The following AJUBA variants were observed in gnomAD, a reference collection of about 807,000 sequenced individuals.
AJUBA encodes the protein ajuba LIM protein.
AJUBA carries 20 observed loss-of-function variants against 53.3 expected under a neutral mutation model. That is an observed-to-expected ratio of 0.38 (90% CI 0.26 to 0.55). AJUBA has a LOEUF of 0.55. AJUBA is among the 20% of genes least tolerant of loss of function. The pLI is 0.80. For synonymous variants in AJUBA, 296 were observed against 306.2 expected, an observed-to-expected ratio of 0.97 and a Z score of 0.35; for missense variants, 580 against 730.5, an observed-to-expected ratio of 0.79 and a Z score of 2.38.
chr14:22,979,110 A>G lies in AJUBA; in HGVS notation c.1007-665T>C. ...GGTTGAACAGGAAAGCAGGGAGAGTAGCAGAGCCCCTGATGCCTCCTAGTC... is the reference window on the plus strand; with the variant it reads ...GGTTGAACAGGAAAGCAGGGAGAGTGGCAGAGCCCCTGATGCCTCCTAGTC... On this transcript the variant is annotated intron_variant, in intron 1 of 7. Coordinates refer to ENST00000262713, the MANE Select transcript of AJUBA (RefSeq NM_032876.6). This position sits in a 1 kb window ranked among gnomAD's most constrained non-coding sequence, Gnocchi z 4.0. 3.1e-6 allele frequency: 4 copies of G among 1,275,674 alleles called. No individual in the cohort carries two copies. Among genetic ancestry groups the G allele is most frequent in the Non-Finnish European group, 4.1e-6 (4 of 982,620 alleles). The allele number at this position is 1,275,674 out of a possible 1,614,324, so 79.0% of individuals were successfully genotyped here.
At chr14:22,981,146 A>T in intron 1 of AJUBA, 115 bp downstream of exon 1, 1 of 1,300,838 alleles carries the variant, frequency 7.7e-7, no homozygotes, top group Non-Finnish European at 1.0e-6. Flanking sequence ...CTTCTTTCCT[A>T]GTCCCGCGTC....
rs1374147835 is a variant in AJUBA at position 22,974,845 on chromosome 14, G to T, written c.1416C>A (p.Pro472=). 11 of 1,612,606 alleles carry T rather than the reference G, an allele frequency of 6.8e-6. No individual in the cohort carries two copies. Among genetic ancestry groups the T allele is most frequent in the Non-Finnish European group, 9.3e-6 (11 of 1,179,764 alleles). The change falls in exon 6 of 8, where the codon CCC becomes CCA. Residue 472 remains proline (P), a synonymous_variant. Coordinates refer to ENST00000262713, the MANE Select transcript of AJUBA (RefSeq NM_032876.6). ...KCAACGQPIL[P]SEGCEDIVRV... ...AGAACCCAGACATACTGACCTCAGA[G>T]GGGAGGATGGGTTGGCCACAGGCTG...
chr14:22,981,319 G>C lies in AJUBA; in HGVS notation c.948C>G (p.Phe316Leu), dbSNP rs1382032638. Residue 316 changes from phenylalanine to leucine, a missense_variant, in exon 1 of 8, where the codon TTC becomes TTG. Coordinates refer to ENST00000262713, the MANE Select transcript of AJUBA (RefSeq NM_032876.6). ...PSGLEEPPGPFVPEAARARMR... is the reference protein window; with the variant it reads ...PSGLEEPPGPLVPEAARARMR... ...TCCGGGCCCGGGCGGCCTCCGGAACGAAAGGACCTGGTGGCTCCTCCAGAC... is the reference window on the plus strand; with the variant it reads ...TCCGGGCCCGGGCGGCCTCCGGAACCAAAGGACCTGGTGGCTCCTCCAGAC... 7 of 1,612,326 alleles carry C rather than the reference G, an allele frequency of 4.3e-6. No homozygotes were observed. The highest frequency in any genetic ancestry group is 2.2e-5 in the East Asian group (1 of 44,818).
intron 2 of AJUBA, 137 bp from the exon 3 acceptor site, chr14:22,976,849 C>T (rs2045041967): frequency 1.4e-6 from 2 of 1,447,162 alleles, no homozygotes; most frequent in Admixed American, 2.8e-5. Context: ...GTCTGTCCTT[C>T]CCCGCACAAA....
At position 22,979,682 on chromosome 14, in the gene AJUBA, G is replaced by A. The variant is rs1047521930; in HGVS notation, c.1007-1237C>T. Reference sequence around the variant, plus strand: ...GATTGCCATGCCAGGGGGTCCTGTCGGAGCCATTCTTTAGGAAACCTTGGA... The same window carrying A: ...GATTGCCATGCCAGGGGGTCCTGTCAGAGCCATTCTTTAGGAAACCTTGGA... On this transcript the variant is annotated intron_variant, in intron 1 of 7. Transcript: ENST00000262713. The surrounding 1 kb of genome is among the most constrained non-coding windows in gnomAD (Gnocchi z 4.0). Among the ~76,000 whole-genome samples the A allele has an allele frequency of 4.6e-5, 7 of 152,202 alleles. No homozygotes were observed. The highest frequency in any genetic ancestry group is 3.9e-4 in the Admixed American group (6 of 15,282).
intron 4 of AJUBA, chr14:22,975,733 G>A (rs1452683936): frequency 6.7e-6 from 1 of 150,370 alleles, no homozygotes; most frequent in Admixed American, 6.6e-5. Context: ...CATGTGGCGG[G>A]CGCCTGTAGT....
At chr14:22,973,928 T>A (rs1371934395) in intron 7 of AJUBA, 119 bp downstream of exon 7, 1 of 1,177,432 alleles carries the variant, frequency 8.5e-7, no homozygotes, top group South Asian at 1.3e-5. Context: ...GGTCACAATA[T>A]CTTTCTGGTT....
rs1033455186 is a variant in AJUBA, at chr14:22,981,910, G to A, written c.357C>T (p.Ser119=). The stretch of plus-strand genomic sequence containing the variant: ...AGCTACTGGCGAAGCTAGAGCGGGG[G>A]CTGAGGGCCGGGGCCGTGGGCTCCA... ...FRLEPTAPAL[S]PRSSFASSSA... Residue 119 remains serine, a synonymous_variant, in exon 1 of 8, where the codon AGC becomes AGT. Coordinates refer to ENST00000262713, the MANE Select transcript of AJUBA (RefSeq NM_032876.6). 6 of 1,554,168 alleles carry A rather than the reference G, an allele frequency of 3.9e-6. No individual in the cohort carries two copies. The highest frequency in any genetic ancestry group is 5.2e-6 in the Non-Finnish European group (6 of 1,154,336).
Position 22,971,967 on chromosome 14 carries a change from ATAG to A in AJUBA, c.*1473_*1475del, listed in dbSNP as rs972372335. On this transcript the variant is annotated 3_prime_UTR_variant, in exon 8 of 8. Coordinates refer to ENST00000262713, the MANE Select transcript of AJUBA (RefSeq NM_032876.6). ...ATTTGATAAATTTATGTTGCTGATA[ATAG>A]CTCAGAAGTACTCTTGGATGAATAG... 1.3e-5 allele frequency: 2 copies of A among 152,678 alleles called. No individual in the cohort carries two copies. The highest frequency in any genetic ancestry group is 4.8e-5 in the African/African-American group (2 of 41,472). 9.5% of individuals were successfully genotyped at this position (152,678 alleles called of 1,614,324 possible).
intron 4 of AJUBA, 31 bp from the exon 5 acceptor site, chr14:22,975,135 T>C (rs748655988): frequency 2.1e-5 from 34 of 1,596,186 alleles, no homozygotes; most frequent in South Asian, 4.4e-5. Context: ...AGAATCAGTC[T>C]CCCTCCAGTC....
At chr14:22,977,085 G>A in intron 2 of AJUBA, 2 of 1,071,046 alleles carry the variant, frequency 1.9e-6, no homozygotes, top group Non-Finnish European at 2.3e-6. Context: ...GATTTGCATA[G>A]AGAGAACCAC....
In AJUBA at chr14:22,982,418, G is replaced by A; in HGVS notation, c.-152C>T. The A allele has an allele frequency of 6.9e-7, 1 of 1,448,708 alleles. No individual in the cohort carries two copies. The highest frequency in any genetic ancestry group is 9.0e-7 in the Non-Finnish European group (1 of 1,109,794). The allele number at this position is 1,448,708 out of a possible 1,614,324, so 89.7% of individuals were successfully genotyped here. On this transcript the variant is annotated 5_prime_UTR_variant, in exon 1 of 8. Transcript: ENST00000262713. ...CGGGCGGCCTGGATGCCCTGCGCCA[G>A]GAATCCCACAGCATCCCCCAGCGGG...
At chr14:22,980,810 G>T in intron 1 of AJUBA, 1 of 325,502 alleles carries the variant, frequency 3.1e-6, no homozygotes, top group Non-Finnish European at 4.4e-6. Flanking sequence ...CACGCACGCG[G>T]CCAGCCTGCC....
chr14:22,982,496 T>C lies in AJUBA; in HGVS notation c.-230A>G, dbSNP rs1260334452. The C allele has an allele frequency of 5.0e-6, 7 of 1,401,304 alleles. No individual in the cohort carries two copies. The highest frequency in any genetic ancestry group is 1.5e-5 in the African/African-American group (1 of 66,714). The allele number at this position is 1,401,304 out of a possible 1,614,324, so 86.8% of individuals were successfully genotyped here. On this transcript the variant is annotated 5_prime_UTR_variant, in exon 1 of 8. Coordinates refer to ENST00000262713, the MANE Select transcript of AJUBA (RefSeq NM_032876.6). ...GGCTGAGCGGGGCTAGCAGGGTCTCTGGCCGCGGCTGTCCAGTCCGCAGGT... is the reference window on the plus strand; with the variant it reads ...GGCTGAGCGGGGCTAGCAGGGTCTCCGGCCGCGGCTGTCCAGTCCGCAGGT...
At position 22,981,540 on chromosome 14, in the gene AJUBA, C is replaced by T. The variant is rs761456211; in HGVS notation, c.727G>A (p.Gly243Arg). ...GGCCCCGCCGCTCCCACTCCGGCCCCGGCTAGAGCTCCAGGGCTGCCCAGG... is the reference window on the plus strand; with the variant it reads ...GGCCCCGCCGCTCCCACTCCGGCCCTGGCTAGAGCTCCAGGGCTGCCCAGG... ...PALGSPGALAGAGVGAAGPLE... is the reference protein window; with the variant it reads ...PALGSPGALARAGVGAAGPLE... The change falls in exon 1 of 8, where the codon GGG becomes AGG. Residue 243 changes from glycine to arginine, a missense_variant. By Grantham distance (125) the Gly-to-Arg change is moderately radical. Transcript: ENST00000262713. 5 of 1,589,514 alleles carry T rather than the reference C, an allele frequency of 3.1e-6. No homozygotes were observed. Among genetic ancestry groups the T allele is most frequent in the Non-Finnish European group, 4.3e-6 (5 of 1,171,832 alleles).
rs543641195 is a variant in AJUBA at position 22,979,697 on chromosome 14, G to C, written c.1007-1252C>G. On this transcript the variant is annotated intron_variant, in intron 1 of 7. Coordinates refer to ENST00000262713, the MANE Select transcript of AJUBA (RefSeq NM_032876.6). This position sits in a 1 kb window ranked among gnomAD's most constrained non-coding sequence, Gnocchi z 4.0. ...GGGTCCTGTCGGAGCCATTCTTTAG[G>C]AAACCTTGGACGTTATGGGAAAAGC... is the stretch of plus-strand genomic sequence containing the variant. Among the ~76,000 whole-genome samples the C allele has an allele frequency of 6.6e-6, 1 of 152,324 alleles. No homozygotes were observed. The highest frequency in any genetic ancestry group is 2.1e-4 in the South Asian group (1 of 4,830).
chr14:22,974,800 G>C, intron 6 of AJUBA, 39 bp downstream of exon 6: 11 of 1,594,556 alleles, frequency 6.9e-6, no homozygotes, highest in Non-Finnish European at 9.4e-6. Flanking sequence ...CAAAGGCAGT[G>C]GCACTGGCTG....
At chr14:22,973,913 A>G in intron 7 of AJUBA, 134 bp downstream of exon 7, 2 of 1,054,032 alleles carry the variant, frequency 1.9e-6, no homozygotes, top group Non-Finnish European at 2.9e-6. Flanking sequence ...AAGAGACTGA[A>G]GATAGGTCAC....
Position 22,981,827 on chromosome 14 carries a change from G to A in AJUBA, c.440C>T (p.Ala147Val). 1.3e-6 allele frequency: 2 copies of A among 1,533,598 alleles called. No individual in the cohort carries two copies. Among genetic ancestry groups the A allele is most frequent in the East Asian group, 2.5e-5 (1 of 40,730 alleles). The allele number at this position is 1,533,598 out of a possible 1,614,324, so 95.0% of individuals were successfully genotyped here. A position where few individuals can be genotyped will look rare whatever the true frequency, so the allele number is the denominator to read the frequency against. ...SPRGSLLLDG[A>V]GAGGAGGSRP... ...GCTACCTCCAGCTCCGCCAGCCCCC[G>A]CCCCGTCCAGCAGCAGGCTGCCCCG... Residue 147 changes from alanine to valine, a missense_variant, in exon 1 of 8, where the codon GCG (alanine) becomes GTG (valine). Ala to Val is a moderately conservative substitution (Grantham distance 64, BLOSUM62 0). Around this residue, in one of 2 missense-constraint regions of AJUBA, gnomAD observed 430 missense variants for 471.5 expected, o/e 0.91. Coordinates refer to ENST00000262713, the MANE Select transcript of AJUBA (RefSeq NM_032876.6).
Sources: gnomAD v4.1 joint callset for allele counts (sites outside exome capture counted in the v4.1 genomes callset) on GRCh38, gnomAD v4.1.1 for gene constraint, gnomAD v4.1.1 regional missense constraint, Gnocchi (gnomAD v3.1) non-coding constraint, MANE v1.5 for transcripts, NCBI Gene and HGNC (gene_info 2026-07-23, HGNC 2026-07-21) for gene names.